The following TMEM63B variants were observed in gnomAD, a reference collection of about 807,000 sequenced individuals.
The protein encoded by TMEM63B is mechanosensitive cation channel TMEM63B.
Under a neutral mutation model 102.6 loss-of-function variants are expected in TMEM63B, and 23 were observed. The observed-to-expected ratio is 0.22, with a 90% CI of 0.16 to 0.32. The LOEUF (loss-of-function observed/expected upper bound fraction) is 0.32. Among genes scored for constraint, TMEM63B ranks in the 10% least tolerant of loss-of-function variants. TMEM63B has a pLI of 1.00. For synonymous variants in TMEM63B, 444 were observed against 437.0 expected (o/e 1.02, Z -0.20); for missense variants, 628 against 1,095.9 (o/e 0.57, Z 6.03).
intron 1 of TMEM63B, 114 bp from the exon 2 acceptor site, chr6:44,134,447 C>T: frequency 8.9e-7 from 1 of 1,118,336 alleles, no homozygotes; most frequent in South Asian, 1.6e-5. Context: ...CCAGAGCTTC[C>T]ATCCACCCAG....
Position 44,150,352 on chromosome 6 carries a change from A to G in TMEM63B, c.1607+42A>G. ...GGGGCAGGAGCCAGGGTAGGGGGACAGCAGGATAGGGAGAGGAGAGCAGTT... is the reference window on the plus strand; with the variant it reads ...GGGGCAGGAGCCAGGGTAGGGGGACGGCAGGATAGGGAGAGGAGAGCAGTT... On this transcript the variant is annotated intron_variant, in intron 17 of 23. Coordinates refer to ENST00000323267, the MANE Select transcript of TMEM63B (RefSeq NM_018426.3). The surrounding 1 kb of genome is among the most constrained non-coding windows in gnomAD (Gnocchi z 4.7). 6.3e-7 allele frequency: 1 copy of G among 1,585,878 alleles called. No homozygotes were observed.
intron 10 of TMEM63B, among the ~76,000 whole-genome samples, chr6:44,145,536 G>A (rs574019492): frequency 6.6e-6 from 1 of 152,260 alleles, no homozygotes; most frequent in East Asian, 1.9e-4. Flanking sequence ...AGGTTGTAGT[G>A]AGCCCAGATC....
Position 44,155,089 on chromosome 6 carries a change from C to T in TMEM63B, c.*206C>T, listed in dbSNP as rs767543769. The T allele has an allele frequency of 3.7e-5, 17 of 455,774 alleles. No individual in the cohort carries two copies. The highest frequency in any genetic ancestry group is 5.6e-5 in the Non-Finnish European group (15 of 267,420). 28.2% of individuals were successfully genotyped at this position (455,774 alleles called of 1,614,324 possible). The stretch of plus-strand genomic sequence containing the variant: ...AACCTCAGTGAGGAGAGCCCCGAGC[C>T]GGCCCCGGGGCAAAGAGGGGTGCAG... On this transcript the variant is annotated 3_prime_UTR_variant, in exon 24 of 24. Coordinates refer to ENST00000323267, the MANE Select transcript of TMEM63B (RefSeq NM_018426.3).
At chr6:44,136,246 C>T in intron 4 of TMEM63B, 103 bp from the exon 5 acceptor site, 1 of 896,878 alleles carries the variant, frequency 1.1e-6, no homozygotes. Context: ...CTTCCTGTGC[C>T]TTCTGTGCCT....
At position 44,154,421 on chromosome 6, in the gene TMEM63B, T is replaced by C; in HGVS notation, c.2283T>C (p.Thr761=). Residue 761 remains threonine (T), a synonymous_variant, in exon 23 of 24, where the codon ACT becomes ACC. Transcript: ENST00000323267. ...VDPRSNGRPP[T]AAAVPKSAKY... ...CCAGAAGCAATGGACGGCCCCCCAC[T>C]GCTGCTGCTGTCCCCAAATCTGCGG... is the stretch of plus-strand genomic sequence containing the variant. 6.2e-7 allele frequency: 1 copy of C among 1,613,936 alleles called. No individual in the cohort carries two copies. The highest frequency in any genetic ancestry group is 8.5e-7 in the Non-Finnish European group (1 of 1,179,894).
rs768409640 is a variant in TMEM63B at position 44,135,355 on chromosome 6, G to A, written c.267G>A (p.Val89=). The stretch of plus-strand genomic sequence containing the variant: ...TTCGGCGGCAGGAGAGGGACCGAGT[G>A]GAACAGGAATAGTATGTGGGGCACC... ...DRLRRQERDR[V]EQEYVASAMH... Residue 89 remains valine, a synonymous_variant, in exon 4 of 24, where the codon GTG becomes GTA. Transcript: ENST00000323267. 1 of 1,612,962 alleles carries A rather than the reference G, an allele frequency of 6.2e-7. No individual in the cohort carries two copies. The highest frequency in any genetic ancestry group is 1.7e-5 in the Admixed American group (1 of 59,942).
At chr6:44,128,282 G>A (rs1194731401) in intron 1 of TMEM63B, among the ~76,000 whole-genome samples, 1 of 152,182 alleles carries the variant, frequency 6.6e-6, no homozygotes, top group Non-Finnish European at 1.5e-5. Flanking sequence ...GGCTGGAGAG[G>A]CGGCCGGCCC....
chr6:44,135,314 T>C lies in TMEM63B; in HGVS notation c.240-14T>C, dbSNP rs1265944324. 9 of 1,611,986 alleles carry C rather than the reference T, an allele frequency of 5.6e-6. No individual in the cohort carries two copies. Among genetic ancestry groups the C allele is most frequent in the Non-Finnish European group, 7.6e-6 (9 of 1,178,890 alleles). ...CCCCCGCCCCTGCTAACCCTGTCTG[T>C]TCTCTGTCCCCAGGCTTCGGCGGCA... On this transcript the variant is annotated splice_polypyrimidine_tract_variant and intron_variant, in intron 3 of 23. Transcript: ENST00000323267.
At chr6:44,143,662 C>T (rs914456410) in intron 10 of TMEM63B, among the ~76,000 whole-genome samples, 6 of 152,004 alleles carry the variant, frequency 3.9e-5, no homozygotes, top group East Asian at 1.9e-4. Flanking sequence ...TAGCAGTAAA[C>T]GACAGAAGGC....
intron 1 of TMEM63B, among the ~76,000 whole-genome samples, chr6:44,129,454 AG>A (rs1235318347): frequency 6.6e-6 from 1 of 152,216 alleles, no homozygotes; most frequent in Non-Finnish European, 1.5e-5. Context: ...GAATCAAACA[AG>A]GTAACAGAAG....
rs1767838468 is a variant in TMEM63B at position 44,155,397 on chromosome 6, TG to T, written c.*516del. On this transcript the variant is annotated 3_prime_UTR_variant, in exon 24 of 24. Transcript: ENST00000323267. ...GGAAGAGTCAGGCTCACAGCTGGGG[TG>T]GCCTGGGGGTGGGGGTGGGCAAGGC... is the stretch of plus-strand genomic sequence containing the variant. 9.0e-6 allele frequency: 1 copy of T among 110,734 alleles called. No individual in the cohort carries two copies. The highest frequency in any genetic ancestry group is 8.8e-5 in the Admixed American group (1 of 11,400). 6.9% of individuals were successfully genotyped at this position (110,734 alleles called of 1,614,324 possible). A position where few individuals can be genotyped will look rare whatever the true frequency, so the allele number is the denominator to read the frequency against.
intron 1 of TMEM63B, among the ~76,000 whole-genome samples, chr6:44,132,107 C>T (rs939930921): frequency 6.6e-6 from 1 of 152,226 alleles, no homozygotes; most frequent in Non-Finnish European, 1.5e-5. Context: ...CCAGGCTCCA[C>T]CCCTTACCTG....
chr6:44,134,179 C>G (rs571893216), intron 1 of TMEM63B, among the ~76,000 whole-genome samples: 14 of 152,326 alleles, frequency 9.2e-5, no homozygotes, highest in African/African-American at 3.4e-4. Context: ...AGACCCCTCC[C>G]TGTCTTCCCA....
chr6:44,151,418 G>A (rs1372322661), intron 18 of TMEM63B, among the ~76,000 whole-genome samples: 1 of 152,040 alleles, frequency 6.6e-6, no homozygotes, highest in South Asian at 2.1e-4. Flanking sequence ...TGCGGGAAGG[G>A]TCTCAAAGCT....
rs376492794 is a variant in TMEM63B at position 44,139,515 on chromosome 6, G to A, written c.456G>A (p.Leu152=). The change falls in exon 7 of 24, where the codon CTG becomes CTA. Residue 152 remains leucine (L), a synonymous_variant. Transcript: ENST00000323267. ...GTGGGGGCGATGCCGTGCACTACCT[G>A]TCCTTTCAGCGGCACATCATCGGGC... ...DKCGGDAVHY[L]SFQRHIIGLL... 1.6e-5 allele frequency: 26 copies of A among 1,614,196 alleles called. No homozygotes were observed. Among genetic ancestry groups the A allele is most frequent in the Non-Finnish European group, 2.0e-5 (24 of 1,180,052 alleles).
intron 18 of TMEM63B, 82 bp from the exon 19 acceptor site, chr6:44,151,764 T>C: frequency 6.8e-7 from 1 of 1,463,890 alleles, no homozygotes. Context: ...GGTGGAGGTG[T>C]TGGGTGCTGT....
At chr6:44,131,756 A>G (rs934050006) in intron 1 of TMEM63B, among the ~76,000 whole-genome samples, 1 of 143,894 alleles carries the variant, frequency 6.9e-6, no homozygotes, top group African/African-American at 2.6e-5. Flanking sequence ...AAAAGCTTAT[A>G]AGTTATAGCT....
intron 9 of TMEM63B, 167 bp downstream of exon 9, chr6:44,140,527 T>A (rs940799307): frequency 1.1e-5 from 8 of 696,994 alleles, no homozygotes; most frequent in Non-Finnish European, 2.1e-5. Flanking sequence ...AAGCCATGAT[T>A]TTCTCATCTG....
chr6:44,149,212 C>T, intron 15 of TMEM63B: 1 of 542,910 alleles, frequency 1.8e-6, no homozygotes, highest in South Asian at 2.1e-5. Flanking sequence ...CAGAGAAGTC[C>T]CCTTCCCTCA....
Sources: gnomAD v4.1 joint callset for allele counts (sites outside exome capture counted in the v4.1 genomes callset) on GRCh38, gnomAD v4.1.1 for gene constraint, Gnocchi (gnomAD v3.1) non-coding constraint, MANE v1.5 for transcripts, NCBI Gene and HGNC (gene_info 2026-07-23, HGNC 2026-07-21) for gene names.